Variants in TSGA10 observed in about 807,000 individuals in gnomAD.
The protein encoded by TSGA10 is testis-specific gene 10 protein.
TSGA10 carries 43 observed loss-of-function variants against 96.6 expected under a neutral mutation model. The ratio of observed to expected loss-of-function variants is 0.44; its 90% CI spans 0.35 to 0.57. The LOEUF (loss-of-function observed/expected upper bound fraction) is 0.57. TSGA10 is among the 20% of genes least tolerant of loss of function. TSGA10 has a pLI of 0.01. For missense variants in TSGA10, 703 were observed against 834.4 expected (o/e 0.84, Z 1.94); for synonymous variants, 229 against 269.9 (o/e 0.85, Z 1.48).
chr2:99,042,805 G>C (rs1384738784), intron 16 of TSGA10, among the ~76,000 whole-genome samples: 2 of 151,756 alleles, frequency 1.3e-5, no homozygotes, highest in African/African-American at 4.8e-5. Flanking sequence ...CCAGGTTCAA[G>C]TGATTCTCCT....
At position 99,061,829 on chromosome 2, in the gene TSGA10, G is replaced by A. The variant is rs192775284; in HGVS notation, c.1404+3110C>T. Among the ~76,000 whole-genome samples the A allele has an allele frequency of 7.7e-4, 117 of 152,240 alleles. 1 individual carries two copies. The highest frequency in any genetic ancestry group is 6.8e-3 in the Admixed American group (104 of 15,290). On this transcript the variant is annotated intron_variant, in intron 16 of 20. Coordinates refer to ENST00000393483, the MANE Select transcript of TSGA10 (RefSeq NM_025244.4). ...ATTTGGAGATAGGACCTTTAAAGAG[G>A]TAATTAAGGTTAAATGGGGTTATAA...
intron 20 of TSGA10, among the ~76,000 whole-genome samples, chr2:99,004,319 C>CA (rs1427306050): frequency 6.6e-6 from 1 of 151,412 alleles, no homozygotes; most frequent in African/African-American, 2.4e-5. Flanking sequence ...GCTTACCAAC[C>CA]AAAAAAAGTC....
At chr2:99,022,678 A>G (rs940320658) in intron 17 of TSGA10, among the ~76,000 whole-genome samples, 4 of 152,180 alleles carry the variant, frequency 2.6e-5, no homozygotes, top group African/African-American at 9.7e-5. Context: ...TTGTATGGAC[A>G]TGTTTTCATT....
intron 4 of TSGA10, among the ~76,000 whole-genome samples, chr2:99,114,173 C>G (rs943815445): frequency 6.6e-6 from 1 of 152,182 alleles, no homozygotes; most frequent in African/African-American, 2.4e-5. Flanking sequence ...AGAGTATAAT[C>G]TTAAACACTA....
At chr2:99,107,611 A>G (rs536563444) in intron 7 of TSGA10, among the ~76,000 whole-genome samples, 1 of 152,308 alleles carries the variant, frequency 6.6e-6, no homozygotes, top group African/African-American at 2.4e-5. Context: ...TAAGTGGAGA[A>G]ATATTTTTGC....
At chr2:99,150,642 G>A (rs1390917662) in intron 1 of TSGA10, 2 of 1,613,910 alleles carry the variant, frequency 1.2e-6, no homozygotes. Flanking sequence ...TAATACGAGG[G>A]ACTGAAAAAA....
At chr2:99,028,151 G>C (rs145158454) in intron 17 of TSGA10, among the ~76,000 whole-genome samples, 1 of 152,202 alleles carries the variant, frequency 6.6e-6, no homozygotes, top group Non-Finnish European at 1.5e-5. Context: ...TCCCTGTTAA[G>C]TGTCTGGCTG....
chr2:99,129,222 T>G (rs558388474), intron 1 of TSGA10, among the ~76,000 whole-genome samples: 1 of 152,320 alleles, frequency 6.6e-6, no homozygotes, highest in South Asian at 2.1e-4. Context: ...TTTATATATA[T>G]AGAAGAATTT....
chr2:98,999,069 T>C (rs1024835309), intron 20 of TSGA10, among the ~76,000 whole-genome samples: 2 of 152,066 alleles, frequency 1.3e-5, no homozygotes, highest in Non-Finnish European at 2.9e-5. Context: ...CTAATGTTTG[T>C]ATTTTTAGTA....
intron 2 of TSGA10, 164 bp downstream of exon 2, chr2:99,126,884 G>A: frequency 1.8e-6 from 1 of 566,930 alleles, no homozygotes; most frequent in South Asian, 2.2e-5. Context: ...CACTGACTCT[G>A]ACTCTATGTT....
intron 7 of TSGA10, among the ~76,000 whole-genome samples, chr2:99,107,337 A>C (rs1379406711): frequency 6.6e-6 from 1 of 152,090 alleles, no homozygotes; most frequent in East Asian, 1.9e-4. Context: ...AATTCTCTCA[A>C]AGGAGAAATT....
chr2:99,124,145 T>C (rs1309789048), intron 2 of TSGA10, among the ~76,000 whole-genome samples: 1 of 152,244 alleles, frequency 6.6e-6, no homozygotes, highest in Non-Finnish European at 1.5e-5. Context: ...CTTGTTATTT[T>C]CCATTATAAC....
In TSGA10 at chr2:99,135,565, A is replaced by G. The variant is rs189066638; in HGVS notation, c.-620-8389T>C. 2.8e-4 allele frequency among the ~76,000 whole-genome samples: 42 copies of G among 152,368 alleles called. No individual in the cohort carries two copies. The East Asian group carries it at 7.9e-3, about 29-fold the overall frequency. ...CTTTTATTCTCAATTAGGAAGTCAC[A>G]CAGCAGAGTGGTTAATATCATGTAT... is the stretch of plus-strand genomic sequence containing the variant. On this transcript the variant is annotated intron_variant, in intron 1 of 20. Coordinates refer to ENST00000393483, the MANE Select transcript of TSGA10 (RefSeq NM_025244.4).
chr2:99,132,632 C>T (rs2093145129), intron 1 of TSGA10, among the ~76,000 whole-genome samples: 1 of 151,912 alleles, frequency 6.6e-6, no homozygotes, highest in Non-Finnish European at 1.5e-5. Context: ...ATCTTAGTTA[C>T]TTCTTATCTT....
intron 16 of TSGA10, among the ~76,000 whole-genome samples, chr2:99,038,208 T>C (rs955196291): frequency 2.6e-5 from 4 of 151,998 alleles, no homozygotes; most frequent in Non-Finnish European, 5.9e-5. Context: ...CTCTTTAAAG[T>C]ATAACTCTCA....
intron 15 of TSGA10, among the ~76,000 whole-genome samples, chr2:99,065,808 A>C (rs769688285): frequency 3.5e-4 from 53 of 152,198 alleles, no homozygotes; most frequent in Non-Finnish European, 6.3e-4. Flanking sequence ...TTGAGCATAC[A>C]ATAAGAACCA....
At chr2:99,132,151 A>C (rs533959418) in intron 1 of TSGA10, among the ~76,000 whole-genome samples, 1 of 152,258 alleles carries the variant, frequency 6.6e-6, no homozygotes, top group African/African-American at 2.4e-5. Context: ...TGAGTTAGGG[A>C]GGATTCCCTC....
At chr2:99,126,929 TA>T (rs1198529006) in intron 2 of TSGA10, 118 bp downstream of exon 2, 3 of 936,142 alleles carry the variant, frequency 3.2e-6, no homozygotes, top group Non-Finnish European at 4.2e-6. Flanking sequence ...TGAATGATTT[TA>T]GACCCATAAC....
chr2:99,040,855 A>G (rs763256927), intron 16 of TSGA10, among the ~76,000 whole-genome samples: 40 of 152,196 alleles, frequency 2.6e-4, no homozygotes, highest in Non-Finnish European at 4.7e-4. Flanking sequence ...GTTCGTCTTG[A>G]TTTAAAAATA....
Sources: allele counts gnomAD v4.1 joint callset (sites outside exome capture counted in the v4.1 genomes callset), GRCh38; gene constraint gnomAD v4.1.1; transcripts MANE v1.5; gene names NCBI Gene and HGNC (gene_info 2026-07-23, HGNC 2026-07-21).